Variants in EML5 observed in about 807,000 individuals in gnomAD.
EML5 encodes the protein EMAP like 5, also known as echinoderm microtubule-associated protein-like 5.
In EML5, 120 loss-of-function variants were observed where a neutral mutation model predicts 250.0. The ratio of observed to expected loss-of-function variants is 0.48; its 90% CI spans 0.41 to 0.56. EML5 has a LOEUF of 0.56. EML5 is among the 20% of genes least tolerant of loss of function. EML5 has a pLI of 0.00. For missense variants in EML5, 2,006 were observed against 2,437.6 expected, an observed-to-expected ratio of 0.82 and a Z score of 3.73; for synonymous variants, 771 against 806.5, an observed-to-expected ratio of 0.96 and a Z score of 0.75.
chr14:88,686,951 G>A (rs910899420), intron 19 of EML5, among the ~76,000 whole-genome samples: 18 of 152,158 alleles, frequency 1.2e-4, no homozygotes, highest in Admixed American at 1.0e-3. Context: ...ATGTTCACAT[G>A]GAAATTTTCT....
chr14:88,647,452 T>C (rs1424461390), intron 28 of EML5, among the ~76,000 whole-genome samples: 2 of 151,216 alleles, frequency 1.3e-5, no homozygotes, highest in African/African-American at 2.4e-5. Flanking sequence ...ATCCTAGCAC[T>C]TTGAGAGGCC....
intron 42 of EML5, 112 bp downstream of exon 42, chr14:88,616,614 G>A: frequency 8.9e-7 from 1 of 1,129,556 alleles, no homozygotes; most frequent in Non-Finnish European, 1.2e-6. Context: ...GAAAGTTTGG[G>A]GAAAAATTTA....
intron 2 of EML5, among the ~76,000 whole-genome samples, chr14:88,747,523 A>C (rs534538420): frequency 3.3e-4 from 50 of 152,294 alleles, no homozygotes; most frequent in African/African-American, 1.2e-3. Context: ...ACAAACAGCA[A>C]AGTCGGCCTT....
intron 21 of EML5, among the ~76,000 whole-genome samples, chr14:88,666,225 T>A (rs899265599): frequency 2.6e-5 from 4 of 152,238 alleles, no homozygotes; most frequent in African/African-American, 9.6e-5. Flanking sequence ...AAGTCATCTT[T>A]ATAAAAGTAA....
chr14:88,633,641 G>A (rs1025519795), intron 33 of EML5, among the ~76,000 whole-genome samples: 3 of 150,792 alleles, frequency 2.0e-5, no homozygotes, highest in Non-Finnish European at 4.4e-5. Flanking sequence ...AAACAGATGA[G>A]TGTCATCTAT....
At chr14:88,622,894 C>T in intron 36 of EML5, 176 bp from the exon 37 acceptor site, 1 of 449,636 alleles carries the variant, frequency 2.2e-6, no homozygotes, top group Non-Finnish European at 3.9e-6. Flanking sequence ...TACTATATCT[C>T]AGTCAAAATA....
Position 88,712,381 on chromosome 14 carries a change from G to A in EML5, c.1547C>T (p.Ser516Leu). 1 of 1,613,428 alleles carries A rather than the reference G, an allele frequency of 6.2e-7. No homozygotes were observed. The highest frequency in any genetic ancestry group is 8.5e-7 in the Non-Finnish European group (1 of 1,179,604). Residue 516 changes from serine to leucine, a missense_variant, in exon 10 of 44, where the codon TCA (serine) becomes TTA (leucine). Physicochemically the swap from Ser to Leu is moderately radical, Grantham distance 145. Coordinates refer to ENST00000554922, the MANE Select transcript of EML5 (RefSeq NM_183387.3). ...LEVNGIWPKYSDINDINSVDG... is the reference protein window; with the variant it reads ...LEVNGIWPKYLDINDINSVDG... ...TACTGAATTTATATCGTTGATATCTGAATACTTGGGCCAAATTCCATTTAC... is the reference window on the plus strand; with the variant it reads ...TACTGAATTTATATCGTTGATATCTAAATACTTGGGCCAAATTCCATTTAC...
rs1463181041 is a variant in EML5, at chr14:88,792,796, G to T, written c.-293C>A. 2.0e-6 allele frequency: 2 copies of T among 991,970 alleles called. No individual in the cohort carries two copies. Among genetic ancestry groups the T allele is most frequent in the East Asian group, 1.9e-4 (2 of 10,746 alleles). The allele number at this position is 991,970 out of a possible 1,614,324, so 61.4% of individuals were successfully genotyped here. A position where few individuals can be genotyped will look rare whatever the true frequency, so the allele number is the denominator to read the frequency against. The stretch of plus-strand genomic sequence containing the variant: ...GCTCGCCTAGTCTCCTCAGCCCGTA[G>T]CGCCTGGGCCGAGAGCGAGGGCCCG... On this transcript the variant is annotated 5_prime_UTR_variant, in exon 1 of 44. Coordinates refer to ENST00000554922, the MANE Select transcript of EML5 (RefSeq NM_183387.3). The surrounding 1 kb of genome is among the most constrained non-coding windows in gnomAD (Gnocchi z 6.9).
intron 8 of EML5, among the ~76,000 whole-genome samples, chr14:88,722,819 G>T (rs2093611368): frequency 6.6e-6 from 1 of 152,052 alleles, no homozygotes; most frequent in Admixed American, 6.6e-5. Context: ...TAGGTGATGG[G>T]TTGATAGGTG....
chr14:88,687,385 C>A, intron 18 of EML5, 58 bp from the exon 19 acceptor site: 2 of 1,219,536 alleles, frequency 1.6e-6, no homozygotes, highest in South Asian at 1.5e-5. Context: ...AAAATAGTAA[C>A]CTTTTTCCTT....
At position 88,644,415 on chromosome 14, in the gene EML5, AGAGT is replaced by A. The variant is rs768938196; in HGVS notation, c.4107+14_4107+17del. The A allele has an allele frequency of 2.8e-5, 45 of 1,611,072 alleles. No homozygotes were observed. Among genetic ancestry groups the A allele is most frequent in the Non-Finnish European group, 3.4e-5 (40 of 1,177,890 alleles). ...TCTGGATACATTTCAGTAACACTGG[AGAGT>A]GAGTTTTCCTTACCTCTATAGGTCT... is the stretch of plus-strand genomic sequence containing the variant. On this transcript the variant is annotated intron_variant, in intron 30 of 43. Transcript: ENST00000554922.
intron 7 of EML5, among the ~76,000 whole-genome samples, chr14:88,734,267 T>C (rs1263623103): frequency 1.3e-5 from 2 of 152,062 alleles, no homozygotes; most frequent in African/African-American, 2.4e-5. Flanking sequence ...AAACAAATAA[T>C]TGATGAGAAG....
chr14:88,647,315 G>T (rs571656261), intron 28 of EML5, among the ~76,000 whole-genome samples: 1 of 152,006 alleles, frequency 6.6e-6, no homozygotes, highest in South Asian at 2.1e-4. Flanking sequence ...AGTGAGCCAA[G>T]ACTGCATGCG....
chr14:88,613,425 A>G lies in EML5; in HGVS notation c.*2393T>C, dbSNP rs2087131767. ...TAAAGATAGTTTTGTTCTCAGTTTC[A>G]CTATAAATTATAGAACAAATGGGAA... is the stretch of plus-strand genomic sequence containing the variant. On this transcript the variant is annotated 3_prime_UTR_variant, in exon 44 of 44. Coordinates refer to ENST00000554922, the MANE Select transcript of EML5 (RefSeq NM_183387.3). The G allele has an allele frequency of 6.6e-6, 1 of 152,194 alleles. No individual in the cohort carries two copies. The highest frequency in any genetic ancestry group is 1.5e-5 in the Non-Finnish European group (1 of 68,032). The allele number at this position is 152,194 out of a possible 1,614,324, so 9.4% of individuals were successfully genotyped here.
intron 31 of EML5, among the ~76,000 whole-genome samples, chr14:88,641,823 GATTA>G (rs1218121432): frequency 2.0e-5 from 3 of 152,086 alleles, no homozygotes; most frequent in Non-Finnish European, 2.9e-5. Context: ...CTAGAAAAGT[GATTA>G]ATTACAAATC....
chr14:88,646,364 A>G (rs1144922), intron 29 of EML5, among the ~76,000 whole-genome samples: 53,737 of 152,088 alleles, frequency 0.35, 11,310 homozygotes, highest in Middle Eastern at 0.49. Flanking sequence ...GAATATATAA[A>G]CAATGTTTTC....
At chr14:88,732,032 G>A (rs969352004) in intron 7 of EML5, among the ~76,000 whole-genome samples, 1 of 152,072 alleles carries the variant, frequency 6.6e-6, no homozygotes, top group Admixed American at 6.6e-5. Flanking sequence ...TCACTCTGAT[G>A]GTAGTTTCTT....
rs767776802 is a variant in EML5 at position 88,664,590 on chromosome 14, G to C, written c.3312C>G (p.Asp1104Glu). ...SGKYLAVASH[D>E]SFIDIYNVMS... ...TTACATTGTATATATCTATAAAGCTGTCATGGGATGCTACAGCAAGATATT... is the reference window on the plus strand; with the variant it reads ...TTACATTGTATATATCTATAAAGCTCTCATGGGATGCTACAGCAAGATATT... Residue 1104 changes from aspartate to glutamate, a missense_variant, in exon 23 of 44, where the codon GAC becomes GAG. Around this residue, in one of 7 missense-constraint regions of EML5, gnomAD observed 1,375 missense variants for 1,590.3 expected, o/e 0.86. Coordinates refer to ENST00000554922, the MANE Select transcript of EML5 (RefSeq NM_183387.3). 10 of 1,607,276 alleles carry C rather than the reference G, an allele frequency of 6.2e-6. No individual in the cohort carries two copies. Among genetic ancestry groups the C allele is most frequent in the Non-Finnish European group, 8.5e-6 (10 of 1,177,950 alleles).
intron 30 of EML5, among the ~76,000 whole-genome samples, chr14:88,644,197 G>C (rs566174199): frequency 6.6e-6 from 1 of 152,248 alleles, no homozygotes; most frequent in African/African-American, 2.4e-5. Context: ...GGACTCCTCT[G>C]AGATACAGTT....
Sources: gnomAD v4.1 joint callset for allele counts (sites outside exome capture counted in the v4.1 genomes callset) on GRCh38, gnomAD v4.1.1 for gene constraint, gnomAD v4.1.1 regional missense constraint, Gnocchi (gnomAD v3.1) non-coding constraint, MANE v1.5 for transcripts, NCBI Gene and HGNC (gene_info 2026-07-23, HGNC 2026-07-21) for gene names.